Variants in SLC7A14 observed in about 807,000 individuals in gnomAD.
The protein encoded by SLC7A14 is gamma-aminobutyric acid transporter SLC7A14.
A neutral mutation model predicts 60.2 loss-of-function variants in SLC7A14; 37 were observed. The observed-to-expected ratio is 0.61, with a 90% CI of 0.47 to 0.81. The LOEUF (loss-of-function observed/expected upper bound fraction) is 0.81, where lower values mean the gene tolerates loss of function less well. Ranked by LOEUF, SLC7A14 falls within the 30% of genes least tolerant of loss-of-function variation. The pLI is 0.00. For synonymous variants in SLC7A14, 399 were observed against 395.8 expected (o/e 1.01, Z -0.10); for missense variants, 886 against 982.7 (o/e 0.90, Z 1.32).
intron 1 of SLC7A14, among the ~76,000 whole-genome samples, chr3:170,581,834 A>G (rs1406609061): frequency 1.3e-5 from 2 of 152,156 alleles, no homozygotes; most frequent in Admixed American, 1.3e-4. Flanking sequence ...AGAGGGCCTC[A>G]TAATGTCACC....
At chr3:170,526,531 C>T in intron 2 of SLC7A14, 102 bp downstream of exon 2, 4 of 1,423,764 alleles carry the variant, frequency 2.8e-6, no homozygotes, top group Non-Finnish European at 3.8e-6. Flanking sequence ...TTTTCTGCCA[C>T]TTCATACATC....
intron 4 of SLC7A14, among the ~76,000 whole-genome samples, chr3:170,486,741 G>A (rs1420237978): frequency 2.0e-5 from 3 of 151,864 alleles, no homozygotes; most frequent in Non-Finnish European, 4.4e-5. Context: ...GCATGGTGAC[G>A]CGCACCTGTA....
intron 2 of SLC7A14, among the ~76,000 whole-genome samples, chr3:170,504,891 G>A (rs928230561): frequency 6.6e-6 from 1 of 152,132 alleles, no homozygotes; most frequent in African/African-American, 2.4e-5. Flanking sequence ...GAGTGTCTAC[G>A]GTTCTCATGA....
At chr3:170,510,730 T>C (rs1712954138) in intron 2 of SLC7A14, among the ~76,000 whole-genome samples, 1 of 152,194 alleles carries the variant, frequency 6.6e-6, no homozygotes, top group East Asian at 1.9e-4. Flanking sequence ...TCCTTCTTCA[T>C]TGTTGAAGCG....
chr3:170,489,268 A>G (rs1198793029), intron 4 of SLC7A14, among the ~76,000 whole-genome samples: 1 of 152,238 alleles, frequency 6.6e-6, no homozygotes. Flanking sequence ...ATAGGAAAAA[A>G]TCTAATAATC....
intron 1 of SLC7A14, among the ~76,000 whole-genome samples, chr3:170,584,817 C>CCCTT (rs1330460108): frequency 3.3e-5 from 5 of 152,052 alleles, no homozygotes; most frequent in Admixed American, 3.3e-4. Context: ...TGACATCCTG[C>CCCTT]GGCCCTTGGG....
Position 170,480,782 on chromosome 3 carries a change from G to A in SLC7A14, c.1500C>T (p.Asp500=), listed in dbSNP as rs1288855254. ...GDNEMLIGKS[D]KSTYNVNHPN... is the part of the protein sequence containing the mutation. ...GGTGGTTGACGTTGTAGGTTGACTT[G>A]TCTGATTTCCCTATGAGCATCTCAT... Residue 500 remains aspartate (D), a synonymous_variant, in exon 7 of 8, where the codon GAC becomes GAT. Transcript: ENST00000231706. The A allele has an allele frequency of 1.9e-6, 3 of 1,614,216 alleles. No homozygotes were observed. The highest frequency in any genetic ancestry group is 2.5e-6 in the Non-Finnish European group (3 of 1,180,038).
chr3:170,498,966 G>T, intron 3 of SLC7A14, 82 bp from the exon 4 acceptor site: 1 of 1,351,042 alleles, frequency 7.4e-7, no homozygotes, highest in Non-Finnish European at 1.0e-6. Context: ...CACTGCATCC[G>T]TACTCAGCTT....
At chr3:170,508,214 C>T (rs896800397) in intron 2 of SLC7A14, among the ~76,000 whole-genome samples, 14 of 152,100 alleles carry the variant, frequency 9.2e-5, no homozygotes, top group Non-Finnish European at 1.6e-4. Context: ...ATGGAGGAAA[C>T]AGACCAGAAA....
At chr3:170,571,419 G>A (rs1453159718) in intron 1 of SLC7A14, among the ~76,000 whole-genome samples, 1 of 152,174 alleles carries the variant, frequency 6.6e-6, no homozygotes, top group African/African-American at 2.4e-5. Flanking sequence ...TAAGCAGTAA[G>A]TTATATTATG....
chr3:170,581,466 T>A (rs752078292), intron 1 of SLC7A14, among the ~76,000 whole-genome samples: 1 of 152,152 alleles, frequency 6.6e-6, no homozygotes, highest in Non-Finnish European at 1.5e-5. Flanking sequence ...GAAGAAAATG[T>A]TCAGGACCAA....
intron 2 of SLC7A14, among the ~76,000 whole-genome samples, chr3:170,504,150 G>T (rs1712696585): frequency 6.6e-6 from 1 of 152,162 alleles, no homozygotes; most frequent in South Asian, 2.1e-4. Flanking sequence ...GCCTGGCATT[G>T]AAGCTCACTG....
Position 170,510,393 on chromosome 3 carries a change from A to T in SLC7A14, c.305-9048T>A, listed in dbSNP as rs566072975. 2.3e-3 allele frequency among the ~76,000 whole-genome samples: 330 copies of T among 140,432 alleles called. 4 individuals carry two copies. Among genetic ancestry groups the T allele is most frequent in the Non-Finnish European group, 3.4e-3 (221 of 65,524 alleles). The allele number at this position is 140,432 out of a possible 152,430, so 92.1% of individuals were successfully genotyped here. On this transcript the variant is annotated intron_variant, in intron 2 of 7. Coordinates refer to ENST00000231706, the MANE Select transcript of SLC7A14 (RefSeq NM_020949.3). ...TGACAGAGCAAGACTCTGTCAAAAA[A>T]AAAAAAATAAATAAATAAATAAATA...
Position 170,466,813 on chromosome 3 carries a change from A to G in SLC7A14, c.*242T>C. On this transcript the variant is annotated 3_prime_UTR_variant, in exon 8 of 8. Coordinates refer to ENST00000231706, the MANE Select transcript of SLC7A14 (RefSeq NM_020949.3). ...GGTTGCACCTAAGATGGAATTTCATATAGCCTCTTGTTTATTTATTTATTT... is the reference window on the plus strand; with the variant it reads ...GGTTGCACCTAAGATGGAATTTCATGTAGCCTCTTGTTTATTTATTTATTT... 2.2e-6 allele frequency: 1 copy of G among 446,570 alleles called. No homozygotes were observed. The highest frequency in any genetic ancestry group is 3.9e-6 in the Non-Finnish European group (1 of 253,428). 27.7% of individuals were successfully genotyped at this position (446,570 alleles called of 1,614,324 possible).
intron 2 of SLC7A14, among the ~76,000 whole-genome samples, chr3:170,505,130 T>C (rs1712736843): frequency 6.6e-6 from 1 of 152,156 alleles, no homozygotes; most frequent in South Asian, 2.1e-4. Context: ...TTTTTAGACA[T>C]TGAATTTTCC....
chr3:170,512,582 C>T (rs977940419), intron 2 of SLC7A14, among the ~76,000 whole-genome samples: 14 of 151,620 alleles, frequency 9.2e-5, no homozygotes, highest in Non-Finnish European at 2.9e-5. Context: ...CTCCTCTCCC[C>T]TTTTCTACTC....
chr3:170,468,330 C>T (rs1021631374), intron 7 of SLC7A14, among the ~76,000 whole-genome samples: 7 of 151,810 alleles, frequency 4.6e-5, no homozygotes, highest in Non-Finnish European at 4.4e-5. Context: ...CAGGGTCTCA[C>T]TCTGTTGTCC....
rs529080497 is a variant in SLC7A14, at chr3:170,480,468, A to T, written c.1814T>A (p.Val605Glu). The T allele has an allele frequency of 1.2e-6, 2 of 1,614,114 alleles. No individual in the cohort carries two copies. Among genetic ancestry groups the T allele is most frequent in the East Asian group, 4.5e-5 (2 of 44,880 alleles). ...WWAILLVVLM[V>E]LLISTLVFVI... Reference sequence around the variant, plus strand: ...AAACACCAGGGTGCTGATCAGCAGCACCATCAGAACAACCAGAAGGATGGC... The same window carrying T: ...AAACACCAGGGTGCTGATCAGCAGCTCCATCAGAACAACCAGAAGGATGGC... Residue 605 changes from valine to glutamate, a missense_variant, in exon 7 of 8, where the codon GTG (valine) becomes GAG (glutamate). Physicochemically the swap from Val to Glu is moderately radical, Grantham distance 121. Transcript: ENST00000231706.
intron 7 of SLC7A14, among the ~76,000 whole-genome samples, chr3:170,469,619 T>TG (rs1407990729): frequency 6.6e-6 from 1 of 152,154 alleles, no homozygotes; most frequent in Non-Finnish European, 1.5e-5. Flanking sequence ...GAAGCATGTT[T>TG]GGCATCTGAG....
Sources: gnomAD v4.1 joint callset for allele counts (sites outside exome capture counted in the v4.1 genomes callset) on GRCh38, gnomAD v4.1.1 for gene constraint, MANE v1.5 for transcripts, NCBI Gene and HGNC (gene_info 2026-07-23, HGNC 2026-07-21) for gene names.